BCL7A: variants seen among roughly 807,000 people sequenced by gnomAD.
BCL7A encodes B-cell CLL/lymphoma 7 protein family member A.
BCL7A carries 11 observed loss-of-function variants against 28.4 expected under a neutral mutation model. The observed-to-expected ratio is 0.39, with a 90% CI of 0.24 to 0.64. The LOEUF is 0.64. Ranked by LOEUF, BCL7A falls within the 30% of genes least tolerant of loss-of-function variation. BCL7A has a pLI of 0.50. For missense variants in BCL7A, 222 were observed against 274.8 expected (o/e 0.81, Z 1.36); for synonymous variants, 123 against 103.3 (o/e 1.19, Z -1.15).
Position 122,059,484 on chromosome 12 carries a change from ATG to A in BCL7A, c.*323_*324del. ...TGCTGTATTTTCCCCCCACTTCTCTATGTAACGATATAAGCTATCGGAGGGTG... is the reference window on the plus strand; with the variant it reads ...TGCTGTATTTTCCCCCCACTTCTCTATAACGATATAAGCTATCGGAGGGTG... On this transcript the variant is annotated 3_prime_UTR_variant, in exon 6 of 6. Transcript: ENST00000261822. The surrounding 1 kb of genome is among the most constrained non-coding windows in gnomAD (Gnocchi z 4.0). The A allele has an allele frequency of 6.1e-6, 2 of 325,382 alleles. No homozygotes were observed. The highest frequency in any genetic ancestry group is 9.6e-5 in the East Asian group (2 of 20,734). The allele number at this position is 325,382 out of a possible 1,614,324, so 20.2% of individuals were successfully genotyped here.
At chr12:122,022,326 G>A (rs1481015664) in intron 1 of BCL7A, 143 bp downstream of exon 1, 2 of 336,756 alleles carry the variant, frequency 5.9e-6, no homozygotes, top group Non-Finnish European at 8.2e-6. Flanking sequence ...GAGGGCGGGC[G>A]GACGGGCGGG....
chr12:122,023,116 A>G (rs1172523963), intron 1 of BCL7A, among the ~76,000 whole-genome samples: 2 of 152,258 alleles, frequency 1.3e-5, no homozygotes, highest in Admixed American at 6.5e-5. Context: ...CATTAAGGGG[A>G]TCGAACCTTT....
intron 1 of BCL7A, among the ~76,000 whole-genome samples, chr12:122,023,931 T>G (rs1854062421): frequency 6.6e-6 from 1 of 152,128 alleles, no homozygotes; most frequent in African/African-American, 2.4e-5. Flanking sequence ...CAAGCCGCCT[T>G]TCTCTGCTCG....
intron 3 of BCL7A, among the ~76,000 whole-genome samples, chr12:122,039,320 A>T (rs1270936799): frequency 4.1e-5 from 6 of 147,808 alleles, no homozygotes; most frequent in Admixed American, 6.8e-5. Context: ...TAAAAAAAAA[A>T]ATAATAATAA....
At position 122,029,091 on chromosome 12, in the gene BCL7A, T is replaced by A. The variant is rs1883687769; in HGVS notation, c.93-1609T>A. On this transcript the variant is annotated intron_variant, in intron 1 of 5. Transcript: ENST00000261822. The surrounding 1 kb of genome is among the most constrained non-coding windows in gnomAD (Gnocchi z 4.3). ...AGCTGTGCTGGGTGAAGGGTTCGAG[T>A]GCTGGCTCTGGGAGAATGAGTTCAC... Among the ~76,000 whole-genome samples, 1 of 151,916 alleles carries A rather than the reference T, an allele frequency of 6.6e-6. No homozygotes were observed. Among genetic ancestry groups the A allele is most frequent in the African/African-American group, 2.4e-5 (1 of 41,352 alleles).
chr12:122,023,564 G>C (rs1883528222), intron 1 of BCL7A, among the ~76,000 whole-genome samples: 1 of 152,332 alleles, frequency 6.6e-6, no homozygotes, highest in Admixed American at 6.5e-5. Context: ...GAAAGGGCTG[G>C]CTGCGATGGC....
intron 2 of BCL7A, among the ~76,000 whole-genome samples, chr12:122,032,096 G>C (rs900197293): frequency 6.6e-6 from 1 of 152,164 alleles, no homozygotes; most frequent in Non-Finnish European, 1.5e-5. Context: ...AAGCATGTGG[G>C]GGTCCAGCTT....
At chr12:122,045,084 G>A (rs1884044394) in intron 4 of BCL7A, among the ~76,000 whole-genome samples, 1 of 151,832 alleles carries the variant, frequency 6.6e-6, no homozygotes, top group Non-Finnish European at 1.5e-5. Flanking sequence ...GTGAGGAGCT[G>A]GAAAATAAGA....
intron 5 of BCL7A, among the ~76,000 whole-genome samples, chr12:122,057,788 A>G (rs1236897845): frequency 6.6e-6 from 1 of 152,144 alleles, no homozygotes; most frequent in East Asian, 1.9e-4. Context: ...ATATGTGTAT[A>G]CCCAGCAAAT....
rs190893361 is a variant in BCL7A at position 122,041,113 on chromosome 12, G to A, written c.272-2773G>A. The stretch of plus-strand genomic sequence containing the variant: ...AGTTAAAATCAGATCCAGGTTACCC[G>A]TGTGGGGCCGCCTGACTGCCTGGTG... On this transcript the variant is annotated intron_variant, in intron 3 of 5. Transcript: ENST00000261822. Among the ~76,000 whole-genome samples, 7 of 152,128 alleles carry A rather than the reference G, an allele frequency of 4.6e-5. No homozygotes were observed. The East Asian group carries it at 1.4e-3, about 29-fold the overall frequency.
Position 122,029,990 on chromosome 12 carries a change from GTGGGGGGTC to G in BCL7A, c.93-706_93-698del, listed in dbSNP as rs1366492472. On this transcript the variant is annotated intron_variant, in intron 1 of 5. Coordinates refer to ENST00000261822, the MANE Select transcript of BCL7A (RefSeq NM_001024808.3). This position sits in a 1 kb window ranked among gnomAD's most constrained non-coding sequence, Gnocchi z 4.3. ...CTCATCCATAAACCTGCCTCTCACA[GTGGGGGGTC>G]TGGACTCCGTCCTTCAGGCGTTTGT... Among the ~76,000 whole-genome samples, 1 of 152,320 alleles carries G rather than the reference GTGGGGGGTC, an allele frequency of 6.6e-6. No individual in the cohort carries two copies. The highest frequency in any genetic ancestry group is 1.9e-4 in the East Asian group (1 of 5,182).
At position 122,044,854 on chromosome 12, in the gene BCL7A, A is replaced by G. The variant is rs558532751; in HGVS notation, c.439+801A>G. 1.2e-4 allele frequency among the ~76,000 whole-genome samples: 18 copies of G among 152,294 alleles called. No individual in the cohort carries two copies. The East Asian group carries it at 3.5e-3, about 29-fold the overall frequency. The stretch of plus-strand genomic sequence containing the variant: ...ATATAATTATATTAATAAATTTTAA[A>G]TGTATTTAAAAATCAGACAACCTAG... On this transcript the variant is annotated intron_variant, in intron 4 of 5. Transcript: ENST00000261822.
intron 1 of BCL7A, among the ~76,000 whole-genome samples, chr12:122,025,281 T>G (rs1883596165): frequency 6.7e-6 from 1 of 148,372 alleles, no homozygotes; most frequent in East Asian, 2.0e-4. Flanking sequence ...GAGGATTGCT[T>G]GAGCCCAGGA....
At chr12:122,025,139 G>C (rs1883588808) in intron 1 of BCL7A, among the ~76,000 whole-genome samples, 1 of 152,240 alleles carries the variant, frequency 6.6e-6, no homozygotes, top group Admixed American at 6.5e-5. Flanking sequence ...GGGTTTGGGG[G>C]CCCTGTGCTG....
intron 1 of BCL7A, among the ~76,000 whole-genome samples, chr12:122,023,863 A>T (rs1883541908): frequency 6.6e-6 from 1 of 152,278 alleles, no homozygotes; most frequent in East Asian, 1.9e-4. Flanking sequence ...CAAAGAAAGA[A>T]CTGGTGTCTG....
chr12:122,052,364 A>G (rs1884209178), intron 4 of BCL7A, among the ~76,000 whole-genome samples: 1 of 152,208 alleles, frequency 6.6e-6, no homozygotes, highest in African/African-American at 2.4e-5. Flanking sequence ...TGAAATTCAC[A>G]TAAAATTAAC....
At position 122,021,963 on chromosome 12, in the gene BCL7A, TGTGC is replaced by T; in HGVS notation, c.-125_-122del. Reference sequence around the variant, plus strand: ...GTGTGTGTGTGTGTGTGTGTGAGTGTGTGCGTGTGAGAGTGCGAGTGTCTGTGCG... The same window carrying T: ...GTGTGTGTGTGTGTGTGTGTGAGTGTGTGTGAGAGTGCGAGTGTCTGTGCG... On this transcript the variant is annotated 5_prime_UTR_variant, in exon 1 of 6. Transcript: ENST00000261822. The T allele has an allele frequency of 3.1e-6, 2 of 643,928 alleles. No homozygotes were observed. The highest frequency in any genetic ancestry group is 2.7e-6 in the Non-Finnish European group (1 of 366,816). 39.9% of individuals were successfully genotyped at this position (643,928 alleles called of 1,614,324 possible).
At chr12:122,030,171 G>A (rs909427740) in intron 1 of BCL7A, among the ~76,000 whole-genome samples, 6 of 152,222 alleles carry the variant, frequency 3.9e-5, no homozygotes, top group Admixed American at 3.3e-4. Flanking sequence ...CTCCTTGGCC[G>A]CCACGAAGGG....
chr12:122,032,979 G>T (rs1377352155), intron 2 of BCL7A, among the ~76,000 whole-genome samples: 2 of 152,166 alleles, frequency 1.3e-5, no homozygotes, highest in East Asian at 1.9e-4. Context: ...TGTGGAGGGA[G>T]AGCTTTTTAT....
Sources: gnomAD v4.1 joint callset for allele counts (sites outside exome capture counted in the v4.1 genomes callset) on GRCh38, gnomAD v4.1.1 for gene constraint, Gnocchi (gnomAD v3.1) non-coding constraint, MANE v1.5 for transcripts, NCBI Gene and HGNC (gene_info 2026-07-23, HGNC 2026-07-21) for gene names.